Variants in ABI2 observed in about 807,000 individuals in gnomAD.
The protein encoded by ABI2 is abelson interactor 2.
Under a neutral mutation model 59.2 loss-of-function variants are expected in ABI2, and 25 were observed. That is an observed-to-expected ratio of 0.42 (90% confidence interval 0.31 to 0.59). The LOEUF is 0.59. Ranked by LOEUF, ABI2 falls within the 20% of genes least tolerant of loss-of-function variation. The pLI is 0.14. For missense variants in ABI2, 545 were observed against 681.8 expected, an observed-to-expected ratio of 0.80 and a Z score of 2.23; for synonymous variants, 213 against 235.5, an observed-to-expected ratio of 0.90 and a Z score of 0.87.
intron 2 of ABI2, among the ~76,000 whole-genome samples, chr2:203,378,890 T>C (rs915226747): frequency 2.0e-5 from 3 of 152,162 alleles, no homozygotes; most frequent in Non-Finnish European, 2.9e-5. Context: ...ATAATTCATG[T>C]ATATATTTAT....
chr2:203,407,826 T>A (rs901723098), intron 9 of ABI2, among the ~76,000 whole-genome samples: 2 of 152,206 alleles, frequency 1.3e-5, no homozygotes, highest in African/African-American at 4.8e-5. Context: ...AACTGAATAT[T>A]GCAACAATTC....
At chr2:203,349,197 T>G (rs1410612224) in intron 1 of ABI2, among the ~76,000 whole-genome samples, 1 of 151,468 alleles carries the variant, frequency 6.6e-6, no homozygotes, top group Non-Finnish European at 1.5e-5. Context: ...CTGCCTTGGC[T>G]TCCCAAAGTG....
intron 1 of ABI2, among the ~76,000 whole-genome samples, chr2:203,349,267 T>C (rs984689926): frequency 2.0e-5 from 3 of 152,064 alleles, no homozygotes; most frequent in Non-Finnish European, 4.4e-5. Flanking sequence ...TTGAACACTT[T>C]AGTGTGTTTT....
intron 2 of ABI2, 81 bp downstream of exon 2, chr2:203,367,125 T>A: frequency 7.0e-7 from 1 of 1,428,224 alleles, no homozygotes; most frequent in Non-Finnish European, 9.2e-7. Flanking sequence ...TGGCAGCTTT[T>A]ATTATGTAAG....
intron 1 of ABI2, among the ~76,000 whole-genome samples, chr2:203,362,359 T>C (rs1368557422): frequency 1.3e-5 from 2 of 152,206 alleles, no homozygotes; most frequent in African/African-American, 2.4e-5. Context: ...TTTAATAACT[T>C]CTAATATAGC....
At chr2:203,339,038 C>A (rs1465084769) in intron 1 of ABI2, among the ~76,000 whole-genome samples, 7 of 118,052 alleles carry the variant, frequency 5.9e-5, no homozygotes, top group Non-Finnish European at 8.5e-5. Context: ...TAGCAAAAAA[C>A]CAAATAACCA....
intron 1 of ABI2, among the ~76,000 whole-genome samples, chr2:203,356,922 G>T (rs979993521): frequency 6.6e-6 from 1 of 151,648 alleles, no homozygotes; most frequent in South Asian, 2.1e-4. Flanking sequence ...ACTTCACATT[G>T]TTCCTGTCTT....
chr2:203,331,367 T>TTTTTTTTTTG (rs1198154445), intron 1 of ABI2, among the ~76,000 whole-genome samples: 19 of 146,372 alleles, frequency 1.3e-4, no homozygotes, highest in African/African-American at 4.5e-4. Flanking sequence ...TTTTTTTTTT[T>TTTTTTTTTTG]TCTGAGACAG....
intron 2 of ABI2, among the ~76,000 whole-genome samples, chr2:203,374,498 CAAA>C (rs777951265): frequency 9.3e-5 from 5 of 53,828 alleles, no homozygotes; most frequent in African/African-American, 2.2e-4. Flanking sequence ...GACTCTGTCT[CAAA>C]AAAAAAAAAA....
At chr2:203,350,350 A>T (rs1472533354) in intron 1 of ABI2, among the ~76,000 whole-genome samples, 1 of 151,480 alleles carries the variant, frequency 6.6e-6, no homozygotes, top group African/African-American at 2.4e-5. Context: ...CGCCTGGCCA[A>T]CGGTCTCTGT....
chr2:203,348,444 A>G (rs1336200046), intron 1 of ABI2, among the ~76,000 whole-genome samples: 1 of 152,174 alleles, frequency 6.6e-6, no homozygotes, highest in Non-Finnish European at 1.5e-5. Context: ...ATTTATATAC[A>G]AGCCTTGTTA....
intron 11 of ABI2, among the ~76,000 whole-genome samples, chr2:203,420,047 A>G (rs866355937): frequency 1.3e-5 from 2 of 152,304 alleles, no homozygotes; most frequent in Middle Eastern, 3.4e-3. Flanking sequence ...ATAGTTGAAT[A>G]AAAAGAAGCC....
At chr2:203,359,338 A>G (rs938039230) in intron 1 of ABI2, among the ~76,000 whole-genome samples, 7 of 152,048 alleles carry the variant, frequency 4.6e-5, no homozygotes, top group Non-Finnish European at 8.8e-5. Context: ...CACTGATTAC[A>G]TTTTCACTTG....
intron 6 of ABI2, chr2:203,395,125 T>G: frequency 2.8e-6 from 2 of 703,074 alleles, no homozygotes; most frequent in South Asian, 1.5e-5. Flanking sequence ...GTGGGAAATG[T>G]CAGGTTGTTT....
At chr2:203,370,226 C>G (rs1163595837) in intron 2 of ABI2, among the ~76,000 whole-genome samples, 1 of 126,422 alleles carries the variant, frequency 7.9e-6, no homozygotes, top group Non-Finnish European at 1.7e-5. Flanking sequence ...CTCTCTCTCT[C>G]TTTCTGTGTG....
chr2:203,346,053 G>C (rs1167138392), intron 1 of ABI2, among the ~76,000 whole-genome samples: 3 of 151,368 alleles, frequency 2.0e-5, no homozygotes, highest in Non-Finnish European at 4.4e-5. Flanking sequence ...CACAAACTGA[G>C]GCAGGAGAAT....
intron 8 of ABI2, among the ~76,000 whole-genome samples, chr2:203,397,461 G>T (rs1248367999): frequency 6.6e-6 from 1 of 152,130 alleles, no homozygotes; most frequent in Non-Finnish European, 1.5e-5. Flanking sequence ...AGAATTTCAG[G>T]TTTATTTAAG....
At chr2:203,344,265 A>G (rs951645203) in intron 1 of ABI2, among the ~76,000 whole-genome samples, 11 of 152,242 alleles carry the variant, frequency 7.2e-5, no homozygotes, top group Non-Finnish European at 2.9e-5. Flanking sequence ...AAAGGAAACA[A>G]TCTTTAATAA....
At chr2:203,363,771 T>C (rs2093908094) in intron 1 of ABI2, among the ~76,000 whole-genome samples, 1 of 152,170 alleles carries the variant, frequency 6.6e-6, no homozygotes, top group Admixed American at 6.5e-5. Context: ...TCTTTTCTTT[T>C]CTTTTTTTTT....
Sources: allele counts gnomAD v4.1 joint callset (sites outside exome capture counted in the v4.1 genomes callset), GRCh38; gene constraint gnomAD v4.1.1; transcripts MANE v1.5; gene names NCBI Gene and HGNC (gene_info 2026-07-23, HGNC 2026-07-21).